The following CBX2 variants were observed in gnomAD, a reference collection of about 807,000 sequenced individuals.
The protein encoded by CBX2 is chromobox 2.
In CBX2, 11 loss-of-function variants were observed where a neutral mutation model predicts 21.0. That is an observed-to-expected ratio of 0.52 (90% CI 0.33 to 0.87). The LOEUF is 0.87. CBX2 is among the 40% of genes least tolerant of loss of function. The probability of loss-of-function intolerance (pLI) is 0.02; values close to 1 mark genes in which losing one functional copy is unlikely to be tolerated. For synonymous variants in CBX2, 364 were observed against 304.6 expected (o/e 1.19, Z -2.03); for missense variants, 746 against 724.3 (o/e 1.03, Z -0.34).
At position 79,778,378 on chromosome 17, in the gene CBX2, C is replaced by T. The variant is rs782526111; in HGVS notation, c.73-6C>T. 2 of 1,584,554 alleles carry T rather than the reference C, an allele frequency of 1.3e-6. No individual in the cohort carries two copies. The highest frequency in any genetic ancestry group is 1.7e-6 in the Non-Finnish European group (2 of 1,170,396). On this transcript the variant is annotated splice_polypyrimidine_tract_variant and splice_region_variant and intron_variant, in intron 1 of 4. Transcript: ENST00000310942. This position sits in a 1 kb window ranked among gnomAD's most constrained non-coding sequence, Gnocchi z 4.8. ...CTGGCTCACGGCCCCTCTTCTCTCC[C>T]CGCAGGGCAAGCTGGAGTACCTGGT...
At chr17:79,777,553 G>A (rs1427567179), upstream of CBX2, among the ~76,000 whole-genome samples, 20 of 152,186 alleles carry the variant, frequency 1.3e-4, no homozygotes, top group Non-Finnish European at 5.9e-5. Context: ...AAAAGCCTCG[G>A]CTGCTGGGGT....
Position 79,784,370 on chromosome 17 carries a change from G to A in CBX2, c.927G>A (p.Pro309=), listed in dbSNP as rs202008143. The A allele has an allele frequency of 1.6e-5, 26 of 1,612,910 alleles. No homozygotes were observed. The highest frequency in any genetic ancestry group is 8.9e-5 in the East Asian group (4 of 44,854). Residue 309 remains proline (P), a synonymous_variant, in exon 5 of 5, where the codon CCG becomes CCA. Coordinates refer to ENST00000310942, the MANE Select transcript of CBX2 (RefSeq NM_005189.3). This position sits in a 1 kb window ranked among gnomAD's most constrained non-coding sequence, Gnocchi z 5.9. ...TGAGCCCTCCAGGAAGCAAAATCCC[G>A]AAGGCCCCCAGCGGTGGGGCTGTGG... The part of the protein sequence containing the change: ...LGMSPPGSKI[P]KAPSGGAVEQ...
In CBX2 at chr17:79,784,208, C is replaced by T; in HGVS notation, c.765C>T (p.Ser255=). 6.2e-7 allele frequency: 1 copy of T among 1,612,948 alleles called. No individual in the cohort carries two copies. Among genetic ancestry groups the T allele is most frequent in the East Asian group, 2.2e-5 (1 of 44,866 alleles). The part of the protein sequence containing the change: ...PGRGGISWQS[S]IVHYMNRMTQ... ...GGGGTGGCATCAGCTGGCAGAGCTC[C>T]ATCGTGCACTACATGAACCGGATGA... The change falls in exon 5 of 5, where the codon TCC becomes TCT. Residue 255 remains serine (S), a synonymous_variant. Transcript: ENST00000310942. This position sits in a 1 kb window ranked among gnomAD's most constrained non-coding sequence, Gnocchi z 5.9.
In CBX2 at chr17:79,786,506, G is replaced by A. The variant is rs1907646743; in HGVS notation, c.*1464G>A. The A allele has an allele frequency of 6.6e-6, 1 of 152,642 alleles. No homozygotes were observed. The highest frequency in any genetic ancestry group is 1.5e-5 in the Non-Finnish European group (1 of 68,076). The allele number at this position is 152,642 out of a possible 1,614,324, so 9.5% of individuals were successfully genotyped here. A position where few individuals can be genotyped will look rare whatever the true frequency, so the allele number is the denominator to read the frequency against. ...GAGCTGCCTCTAGGTGGTCACGTCT[G>A]GGAGCTAGCTTGTATGGCTTCTGAC... On this transcript the variant is annotated 3_prime_UTR_variant, in exon 5 of 5. Transcript: ENST00000310942.
upstream of CBX2, chr17:79,778,103 AGCGGCGGTGCGCGTGCGCGGG>A (rs1906864988): frequency 4.6e-6 from 1 of 215,900 alleles, no homozygotes; most frequent in Non-Finnish European, 7.6e-6. The surrounding 1 kb of genome is among the most constrained non-coding windows in gnomAD (Gnocchi z 4.8). Flanking sequence ...GCGGGCGCGG[AGCGGCGGTGCGCGTGCGCGGG>A]GCGGGCCGGC....
At position 79,785,443 on chromosome 17, in the gene CBX2, G is replaced by A. The variant is rs551837409; in HGVS notation, c.*401G>A. 3.2e-4 allele frequency: 87 copies of A among 275,118 alleles called. No individual in the cohort carries two copies. In the Admixed American group the frequency reaches 3.9e-3, roughly 12 times the overall value. The allele number at this position is 275,118 out of a possible 1,614,324, so 17.0% of individuals were successfully genotyped here. A position where few individuals can be genotyped will look rare whatever the true frequency, so the allele number is the denominator to read the frequency against. ...CACAGCTTTGGTCCCTGTCTTGCAG[G>A]GGCTGAGGTGTCAGGAGGGGACTTC... On this transcript the variant is annotated 3_prime_UTR_variant, in exon 5 of 5. Coordinates refer to ENST00000310942, the MANE Select transcript of CBX2 (RefSeq NM_005189.3).
rs111795035 is a variant in CBX2, at chr17:79,778,596, G to A, written c.116+169G>A. 0.051 allele frequency among the ~76,000 whole-genome samples: 7,723 copies of A among 151,668 alleles called. 250 individuals are homozygous for A. Among genetic ancestry groups the A allele is most frequent in the Middle Eastern group, 0.12 (36 of 288 alleles). ...GCTCTGAGGGGGGCGGGGGCCGCCCGGCCCGAGGTTGCCCTTTGTTTACAC... is the reference window on the plus strand; with the variant it reads ...GCTCTGAGGGGGGCGGGGGCCGCCCAGCCCGAGGTTGCCCTTTGTTTACAC... On this transcript the variant is annotated intron_variant, in intron 2 of 4. Coordinates refer to ENST00000310942, the MANE Select transcript of CBX2 (RefSeq NM_005189.3). This position sits in a 1 kb window ranked among gnomAD's most constrained non-coding sequence, Gnocchi z 4.8.
intron 4 of CBX2, among the ~76,000 whole-genome samples, chr17:79,783,255 T>C (rs1907368785): frequency 6.6e-6 from 1 of 152,178 alleles, no homozygotes; most frequent in African/African-American, 2.4e-5. Context: ...CTCATGGAAC[T>C]GTGAGCACGG....
Position 79,781,917 on chromosome 17 carries a change from C to G in CBX2, c.288+116C>G, listed in dbSNP as rs782747834. 6.8e-6 allele frequency: 11 copies of G among 1,614,080 alleles called. No homozygotes were observed. The South Asian group carries it at 7.7e-5, about 11-fold the overall frequency. On this transcript the variant is annotated intron_variant, in intron 4 of 4. Transcript: ENST00000310942. ...AGGGGGTGGCACTTCTGCCAACAGT[C>G]TGTCCCTCTACTCGGAAAACAGGAG...
chr17:79,778,209 C>G lies in CBX2; in HGVS notation c.-27C>G. The G allele has an allele frequency of 7.7e-7, 1 of 1,304,314 alleles. No homozygotes were observed. The highest frequency in any genetic ancestry group is 9.7e-7 in the Non-Finnish European group (1 of 1,026,254). The allele number at this position is 1,304,314 out of a possible 1,614,324, so 80.8% of individuals were successfully genotyped here. On this transcript the variant is annotated 5_prime_UTR_variant, in exon 1 of 5. Coordinates refer to ENST00000310942, the MANE Select transcript of CBX2 (RefSeq NM_005189.3). The surrounding 1 kb of genome is among the most constrained non-coding windows in gnomAD (Gnocchi z 4.8). ...CCGGGCGGGTGACTGGCGGCGGGCG[C>G]CGCGGTCGGGCTGGCTGCCGGGCAG... is the stretch of plus-strand genomic sequence containing the variant.
In CBX2 at chr17:79,785,982, G is replaced by A. The variant is rs983744029; in HGVS notation, c.*940G>A. The A allele has an allele frequency of 3.3e-5, 5 of 152,546 alleles. No individual in the cohort carries two copies. The highest frequency in any genetic ancestry group is 4.8e-5 in the African/African-American group (2 of 41,470). The allele number at this position is 152,546 out of a possible 1,614,324, so 9.4% of individuals were successfully genotyped here. ...ATGTTCCATTTCTAAAAAGCCCAGA[G>A]TTCAGTGTGTCCCAAGGAAAACCCA... On this transcript the variant is annotated 3_prime_UTR_variant, in exon 5 of 5. Transcript: ENST00000310942.
In CBX2 at chr17:79,785,195, C is replaced by A. The variant is rs1408840205; in HGVS notation, c.*153C>A. 4 of 674,518 alleles carry A rather than the reference C, an allele frequency of 5.9e-6. No individual in the cohort carries two copies. The highest frequency in any genetic ancestry group is 1.0e-5 in the Non-Finnish European group (4 of 381,934). The allele number at this position is 674,518 out of a possible 1,614,324, so 41.8% of individuals were successfully genotyped here. On this transcript the variant is annotated 3_prime_UTR_variant, in exon 5 of 5. Transcript: ENST00000310942. The stretch of plus-strand genomic sequence containing the variant: ...TGATGGGCAGGCTTGGAAGGGACTT[C>A]TCCCGCACCCCACTCTGTCCCAGGA...
intron 3 of CBX2, 141 bp downstream of exon 3, chr17:79,779,568 A>G: frequency 1.4e-6 from 1 of 734,486 alleles, no homozygotes; most frequent in Non-Finnish European, 2.4e-6. Flanking sequence ...GTCCAGGGCC[A>G]TCTCTGTGGC....
chr17:79,782,680 G>A (rs1907322801), intron 4 of CBX2: 1 of 230,850 alleles, frequency 4.3e-6, no homozygotes, highest in Admixed American at 5.8e-5. Flanking sequence ...TTCCTTTTGA[G>A]CAGGATTGTG....
rs551224793 is a variant in CBX2 at position 79,786,532 on chromosome 17, C to T, written c.*1490C>T. 1 of 152,682 alleles carries T rather than the reference C, an allele frequency of 6.5e-6. No homozygotes were observed. Among genetic ancestry groups the T allele is most frequent in the Non-Finnish European group, 1.5e-5 (1 of 68,086 alleles). The allele number at this position is 152,682 out of a possible 1,614,324, so 9.5% of individuals were successfully genotyped here. A position where few individuals can be genotyped will look rare whatever the true frequency, so the allele number is the denominator to read the frequency against. On this transcript the variant is annotated 3_prime_UTR_variant, in exon 5 of 5. Coordinates refer to ENST00000310942, the MANE Select transcript of CBX2 (RefSeq NM_005189.3). Reference sequence around the variant, plus strand: ...GGAGCTAGCTTGTATGGCTTCTGACCAGTATCAGGATTTCTGTTCTGAGAG... The same window carrying T: ...GGAGCTAGCTTGTATGGCTTCTGACTAGTATCAGGATTTCTGTTCTGAGAG...
In CBX2 at chr17:79,787,472, G is replaced by T. The variant is rs143863724; in HGVS notation, c.*2430G>T. The T allele has an allele frequency of 6.5e-6, 1 of 152,692 alleles. No individual in the cohort carries two copies. The highest frequency in any genetic ancestry group is 1.5e-5 in the Non-Finnish European group (1 of 68,056). 9.5% of individuals were successfully genotyped at this position (152,692 alleles called of 1,614,324 possible). A position where few individuals can be genotyped will look rare whatever the true frequency, so the allele number is the denominator to read the frequency against. On this transcript the variant is annotated 3_prime_UTR_variant, in exon 5 of 5. Transcript: ENST00000310942. ...GTGTTTTTCCTGGTGCTTCAAGAGC[G>T]TGTGCAGGGCAAGTGCCGTCACTGG...
upstream of CBX2, among the ~76,000 whole-genome samples, chr17:79,777,942 CCCGGGG>C (rs1325720533): frequency 6.9e-6 from 1 of 144,754 alleles, no homozygotes; most frequent in Non-Finnish European, 1.5e-5. Flanking sequence ...CCCGCCCCCG[CCCGGGG>C]CCCCGCGCGG....
upstream of CBX2, among the ~76,000 whole-genome samples, chr17:79,777,880 C>T (rs1293602007): frequency 2.0e-5 from 3 of 150,448 alleles, no homozygotes; most frequent in Non-Finnish European, 4.5e-5. Context: ...GCCCGAAGTC[C>T]CTAGGCACCT....
rs1555831105 is a variant in CBX2, at chr17:79,784,176, C to T, written c.733C>T (p.Pro245Ser). ...ASLMKGMASSPGRGGISWQSS... is the reference protein window; with the variant it reads ...ASLMKGMASSSGRGGISWQSS... ...CCTAATGAAGGGCATGGCCAGTAGCCCCGGCCGGGGTGGCATCAGCTGGCA... is the reference window on the plus strand; with the variant it reads ...CCTAATGAAGGGCATGGCCAGTAGCTCCGGCCGGGGTGGCATCAGCTGGCA... Residue 245 changes from proline to serine, a missense_variant, in exon 5 of 5, where the codon CCC (proline) becomes TCC (serine). Around this residue, in one of 2 missense-constraint regions of CBX2, gnomAD observed 701 missense variants for 650.7 expected, o/e 1.08. Coordinates refer to ENST00000310942, the MANE Select transcript of CBX2 (RefSeq NM_005189.3). This position sits in a 1 kb window ranked among gnomAD's most constrained non-coding sequence, Gnocchi z 5.9. 12 of 1,612,830 alleles carry T rather than the reference C, an allele frequency of 7.4e-6. No individual in the cohort carries two copies. In the African/African-American group the frequency reaches 9.3e-5, roughly 13 times the overall value.
Sources: gnomAD v4.1 joint callset for allele counts (sites outside exome capture counted in the v4.1 genomes callset) on GRCh38, gnomAD v4.1.1 for gene constraint, gnomAD v4.1.1 regional missense constraint, Gnocchi (gnomAD v3.1) non-coding constraint, MANE v1.5 for transcripts, NCBI Gene and HGNC (gene_info 2026-07-23, HGNC 2026-07-21) for gene names.